TBC1D10A: variants seen among roughly 807,000 people sequenced by gnomAD.
TBC1D10A encodes EBP50-PDX interactor of 64 kDa.
A neutral mutation model predicts 52.9 loss-of-function variants in TBC1D10A; 24 were observed. That is an observed-to-expected ratio of 0.45 (90% CI 0.33 to 0.64). TBC1D10A has a LOEUF of 0.64. Ranked by LOEUF, TBC1D10A falls within the 30% of genes least tolerant of loss-of-function variation. The pLI, the probability that TBC1D10A is intolerant of heterozygous loss-of-function variation, is 0.02. For missense variants in TBC1D10A, 602 were observed against 687.9 expected (o/e 0.88, Z 1.40); for synonymous variants, 278 against 282.9 (o/e 0.98, Z 0.17).
chr22:30,323,591 T>C (rs1468678392), intron 1 of TBC1D10A, among the ~76,000 whole-genome samples: 1 of 152,222 alleles, frequency 6.6e-6, no homozygotes, highest in Non-Finnish European at 1.5e-5. Context: ...TAATATGCTG[T>C]GATCTTAAGA....
rs758403562 is a variant in TBC1D10A, at chr22:30,326,823, G to C, written c.59C>G (p.Ser20Trp). Residue 20 changes from serine (S) to tryptophan (W), a missense_variant, in exon 1 of 9, where the codon TCG becomes TGG. This residue lies in a region of TBC1D10A where 201 missense variants were observed against 204.4 expected (regional missense o/e 0.98). Transcript: ENST00000215790. ...PRAPAAGESL[S>W]GTRESLAQGP... The stretch of plus-strand genomic sequence containing the variant: ...CTGGGCCAGGCTCTCCCGGGTTCCC[G>C]ACAGGCTTTCCCCGGCCGCGGGCGC... 7.5e-6 allele frequency: 11 copies of C among 1,475,960 alleles called. No homozygotes were observed. The South Asian group carries it at 1.5e-4, about 20-fold the overall frequency. The allele number at this position is 1,475,960 out of a possible 1,614,324, so 91.4% of individuals were successfully genotyped here.
chr22:30,299,489 C>T lies in TBC1D10A; in HGVS notation c.372G>A (p.Leu124=), dbSNP rs139266182. ...GCTGTAACTTCACCTTGCCTCCTGA[C>T]AGGTACTGCCAAGCACGGCCCCGCA... ...PSLRGRAWQY[L]SGGKVKLQQN... is the part of the protein sequence containing the mutation. The change falls in exon 3 of 9, where the codon CTG becomes CTA. Residue 124 remains leucine (L), a synonymous_variant. Transcript: ENST00000215790. 156 of 1,614,214 alleles carry T rather than the reference C, an allele frequency of 9.7e-5. No individual in the cohort carries two copies. In the Middle Eastern group the frequency reaches 4.8e-3, roughly 50 times the overall value.
At chr22:30,325,236 T>C (rs567490194) in intron 1 of TBC1D10A, among the ~76,000 whole-genome samples, 1 of 152,276 alleles carries the variant, frequency 6.6e-6, no homozygotes, top group East Asian at 1.9e-4. Flanking sequence ...AGGAGACAGA[T>C]CCAGTGGGTG....
At chr22:30,293,019 A>C (rs1480115516) in intron 8 of TBC1D10A, 168 bp from the exon 9 acceptor site, 1 of 711,874 alleles carries the variant, frequency 1.4e-6, no homozygotes, top group Admixed American at 2.7e-5. Context: ...CGAGCCCCAC[A>C]GCTGAGTGCC....
chr22:30,326,201 T>G (rs1601684475), intron 1 of TBC1D10A, among the ~76,000 whole-genome samples: 6 of 49,452 alleles, frequency 1.2e-4, no homozygotes, highest in Admixed American at 2.3e-4. Context: ...TCTCCTGGTG[T>G]GGGGGCAGTG....
At chr22:30,311,020 G>A (rs1234417714) in intron 1 of TBC1D10A, among the ~76,000 whole-genome samples, 2 of 152,186 alleles carry the variant, frequency 1.3e-5, no homozygotes, top group African/African-American at 2.4e-5. Context: ...ATGTGCAGGG[G>A]GAGCATGGCC....
chr22:30,298,787 G>A (rs1440468533), intron 3 of TBC1D10A: 1 of 152,620 alleles, frequency 6.6e-6, no homozygotes, highest in Non-Finnish European at 1.5e-5. Flanking sequence ...CATGGGGCAG[G>A]GAGCAGCAGG....
chr22:30,301,759 A>G (rs1930205718), intron 2 of TBC1D10A, among the ~76,000 whole-genome samples: 1 of 152,198 alleles, frequency 6.6e-6, no homozygotes, highest in South Asian at 2.1e-4. Flanking sequence ...GGAAGGAGCC[A>G]GGCAAACAGG....
chr22:30,293,485 T>A, intron 8 of TBC1D10A, 166 bp downstream of exon 8: 10 of 1,046,170 alleles, frequency 9.6e-6, no homozygotes, highest in Non-Finnish European at 1.3e-5. Flanking sequence ...TGCCCCATGC[T>A]CTTCACCAGA....
chr22:30,299,478 T>A lies in TBC1D10A; in HGVS notation c.383A>T (p.Lys128Met), dbSNP rs755482069. Residue 128 changes from lysine (K) to methionine (M), a missense_variant, in exon 3 of 9, where the codon AAG becomes ATG. By Grantham distance (95) the Lys-to-Met change is moderately conservative (BLOSUM62 -1). Transcript: ENST00000215790. Reference sequence around the variant, plus strand: ...TCCAGGGTTCTGCTGTAACTTCACCTTGCCTCCTGACAGGTACTGCCAAGC... The same window carrying A: ...TCCAGGGTTCTGCTGTAACTTCACCATGCCTCCTGACAGGTACTGCCAAGC... ...GRAWQYLSGG[K>M]VKLQQNPGKF... 1.2e-6 allele frequency: 2 copies of A among 1,614,028 alleles called. No individual in the cohort carries two copies. The highest frequency in any genetic ancestry group is 1.7e-6 in the Non-Finnish European group (2 of 1,179,992).
intron 3 of TBC1D10A, chr22:30,298,030 A>G (rs566489466): frequency 6.6e-6 from 1 of 151,890 alleles, no homozygotes; most frequent in Admixed American, 6.6e-5. Context: ...AACTTTCCAG[A>G]CCCCCTGGGG....
At chr22:30,316,995 C>G (rs1364989867) in intron 1 of TBC1D10A, among the ~76,000 whole-genome samples, 1 of 151,872 alleles carries the variant, frequency 6.6e-6, no homozygotes, top group Non-Finnish European at 1.5e-5. Flanking sequence ...GCTGTGATTG[C>G]ACCACTGCAT....
In TBC1D10A at chr22:30,293,562, T is replaced by C. The variant is rs1929999165; in HGVS notation, c.1050+89A>G. On this transcript the variant is annotated intron_variant, in intron 8 of 8. Coordinates refer to ENST00000215790, the MANE Select transcript of TBC1D10A (RefSeq NM_031937.3). ...AATGGTCCTGGCATAGGATCCACCC[T>C]CAGGGGCTGAGGGTTAGCGGGACCC... 5.9e-6 allele frequency: 9 copies of C among 1,534,826 alleles called. 1 individual carries two copies. The South Asian group carries it at 1.1e-4, about 19-fold the overall frequency.
rs150083620 is a variant in TBC1D10A at position 30,292,671 on chromosome 22, G to C, written c.1231C>G (p.Arg411Gly). Residue 411 changes from arginine (R) to glycine (G), a missense_variant, in exon 9 of 9, where the codon CGC becomes GGC. By Grantham distance (125) the Arg-to-Gly change is moderately radical. Coordinates refer to ENST00000215790, the MANE Select transcript of TBC1D10A (RefSeq NM_031937.3). ...GGGAGGGGGGCATCTAGGGGCAGGC[G>C]GATGGATGGTGAAGGTTGTAGGGCA... The part of the protein sequence containing the change: ...RPALQPSPSI[R>G]LPLDAPLPGS... 6.2e-7 allele frequency: 1 copy of C among 1,609,340 alleles called. No individual in the cohort carries two copies. The highest frequency in any genetic ancestry group is 1.1e-5 in the South Asian group (1 of 90,590).
chr22:30,312,394 C>T (rs114598274), intron 1 of TBC1D10A, among the ~76,000 whole-genome samples: 1,861 of 152,328 alleles, frequency 0.012, 28 homozygotes, highest in African/African-American at 0.042. Context: ...TTACGGCACA[C>T]GCCCTGTCAT....
intron 8 of TBC1D10A, 126 bp downstream of exon 8, chr22:30,293,525 G>A: frequency 1.5e-6 from 2 of 1,353,714 alleles, no homozygotes; most frequent in South Asian, 2.7e-5. Context: ...CACATGTTCT[G>A]TGTTGCCTAG....
At chr22:30,310,830 G>GC (rs1930410388) in intron 1 of TBC1D10A, among the ~76,000 whole-genome samples, 1 of 152,160 alleles carries the variant, frequency 6.6e-6, no homozygotes, top group Non-Finnish European at 1.5e-5. Context: ...GACATATAAA[G>GC]TCCCCCGCTC....
chr22:30,319,255 C>A (rs1349769587), intron 1 of TBC1D10A, among the ~76,000 whole-genome samples: 1 of 152,214 alleles, frequency 6.6e-6, no homozygotes, highest in Non-Finnish European at 1.5e-5. Context: ...CCCAGAGCAA[C>A]TGCATGCCTC....
intron 1 of TBC1D10A, among the ~76,000 whole-genome samples, chr22:30,311,339 T>C (rs552591132): frequency 2.0e-4 from 31 of 152,246 alleles, no homozygotes; most frequent in African/African-American, 7.5e-4. Context: ...CCACACACTC[T>C]GTGAGTTGGT....
Sources: gnomAD v4.1 joint callset for allele counts (sites outside exome capture counted in the v4.1 genomes callset) on GRCh38, gnomAD v4.1.1 for gene constraint, gnomAD v4.1.1 regional missense constraint, MANE v1.5 for transcripts, NCBI Gene and HGNC (gene_info 2026-07-23, HGNC 2026-07-21) for gene names.